The following ITGB2 variants were observed in gnomAD, a reference collection of about 807,000 sequenced individuals.
The protein encoded by ITGB2 is integrin beta-2.
A neutral mutation model predicts 86.8 loss-of-function variants in ITGB2; 56 were observed. The ratio of observed to expected loss-of-function variants is 0.65; its 90% CI spans 0.52 to 0.81. ITGB2 has a LOEUF of 0.81. Ranked by LOEUF, ITGB2 falls within the 30% of genes least tolerant of loss-of-function variation. The pLI is 0.00. For synonymous variants in ITGB2, 457 were observed against 450.4 expected (o/e 1.01, Z -0.19); for missense variants, 948 against 1,061.2 (o/e 0.89, Z 1.48).
At chr21:44,902,297 G>A (rs1315445425) in intron 5 of ITGB2, among the ~76,000 whole-genome samples, 5 of 152,264 alleles carry the variant, frequency 3.3e-5, no homozygotes, top group African/African-American at 7.2e-5. Context: ...ACGTGTGTAT[G>A]ACTGTGTGTG....
intron 1 of ITGB2, among the ~76,000 whole-genome samples, chr21:44,917,587 C>G (rs745899831): frequency 6.6e-6 from 1 of 152,186 alleles, no homozygotes; most frequent in East Asian, 1.9e-4. Flanking sequence ...GGGCTTGTTG[C>G]CACTGTCACT....
At position 44,918,935 on chromosome 21, in the gene ITGB2, A is replaced by AAGCGTCCCCTCTCCCAGCACTCGGAGCTG. The variant is rs949963188; in HGVS notation, c.-4+1857_-4+1885dup. Among the ~76,000 whole-genome samples the AAGCGTCCCCTCTCCCAGCACTCGGAGCTG allele has an allele frequency of 9.8e-4, 110 of 111,788 alleles. 3 individuals carry two copies. In the East Asian group the frequency reaches 0.02, roughly 20 times the overall value. The allele number at this position is 111,788 out of a possible 152,430, so 73.3% of individuals were successfully genotyped here. A position where few individuals can be genotyped will look rare whatever the true frequency, so the allele number is the denominator to read the frequency against. On this transcript the variant is annotated intron_variant, in intron 1 of 15. Transcript: ENST00000652462. The stretch of plus-strand genomic sequence containing the variant: ...TTGAGGCAAAGGCCCTTGGGTGGCT[A>AAGCGTCCCCTCTCCCAGCACTCGGAGCTG]AGCGTCCCCTCTCCCAGCACTCGGA...
chr21:44,889,672 C>A (rs550518838), intron 12 of ITGB2, among the ~76,000 whole-genome samples, 177 bp from the exon 13 acceptor site: 2 of 152,208 alleles, frequency 1.3e-5, no homozygotes, highest in Non-Finnish European at 2.9e-5. Context: ...GCCACGTGGC[C>A]GCCTCCTGGC....
At chr21:44,902,624 C>T (rs2083979487) in intron 5 of ITGB2, among the ~76,000 whole-genome samples, 1 of 150,528 alleles carries the variant, frequency 6.6e-6, no homozygotes. Flanking sequence ...TCCATTTGTG[C>T]ATGTGAGGAT....
rs564714198 is a variant in ITGB2, at chr21:44,910,153, G to A, written c.147+131C>T. The A allele has an allele frequency of 9.3e-5, 109 of 1,176,528 alleles. No homozygotes were observed. The African/African-American group carries it at 1.5e-3, about 16-fold the overall frequency. 72.9% of individuals were successfully genotyped at this position (1,176,528 alleles called of 1,614,324 possible). ...CAGGGGCCCCTTGAGGGGAGGGTGA[G>A]GCCAGGGTCTGGGGACCCCCTCAAA... On this transcript the variant is annotated intron_variant, in intron 3 of 15. Transcript: ENST00000652462.
At chr21:44,890,768 C>T (rs374039025) in intron 11 of ITGB2, among the ~76,000 whole-genome samples, 2 of 152,122 alleles carry the variant, frequency 1.3e-5, no homozygotes. Flanking sequence ...CTGCCACGGG[C>T]TCTCCTGCTC....
upstream of ITGB2, among the ~76,000 whole-genome samples, chr21:44,922,694 G>T (rs1048182836): frequency 6.9e-6 from 1 of 144,280 alleles, no homozygotes; most frequent in South Asian, 2.2e-4. Flanking sequence ...TCCTTTAAAA[G>T]AAAAAAGTAA....
intron 8 of ITGB2, among the ~76,000 whole-genome samples, chr21:44,896,886 T>A (rs999436076): frequency 1.3e-5 from 2 of 152,196 alleles, no homozygotes; most frequent in Non-Finnish European, 2.9e-5. Flanking sequence ...TGCCACACCA[T>A]CGCCTGGAGT....
chr21:44,923,313 T>A (rs943846556), upstream of ITGB2, among the ~76,000 whole-genome samples: 1 of 152,200 alleles, frequency 6.6e-6, no homozygotes. Context: ...TTGCAATGCA[T>A]GGACCATATT....
chr21:44,898,467 T>C (rs929281762), intron 8 of ITGB2, among the ~76,000 whole-genome samples: 1 of 152,208 alleles, frequency 6.6e-6, no homozygotes, highest in Non-Finnish European at 1.5e-5. Flanking sequence ...GCTCTGCAAG[T>C]CCTTCCGGCA....
intron 13 of ITGB2, 146 bp from the exon 14 acceptor site, chr21:44,889,041 G>C: frequency 1.4e-6 from 1 of 707,858 alleles, no homozygotes; most frequent in Non-Finnish European, 2.4e-6. Context: ...TGGGGCAGAT[G>C]CGGGTGCAGC....
chr21:44,892,391 G>A (rs960820688), intron 10 of ITGB2, among the ~76,000 whole-genome samples: 12 of 152,292 alleles, frequency 7.9e-5, no homozygotes, highest in Non-Finnish European at 1.6e-4. Context: ...AGGCCGAGGC[G>A]GGTAGATCAT....
At chr21:44,906,497 A>G (rs2084044568) in intron 4 of ITGB2, among the ~76,000 whole-genome samples, 1 of 152,144 alleles carries the variant, frequency 6.6e-6, no homozygotes, top group African/African-American at 2.4e-5. Flanking sequence ...TGCTCTGGTC[A>G]AGTCAGTTTG....
chr21:44,908,209 G>A (rs749891250), intron 3 of ITGB2: 87 of 703,206 alleles, frequency 1.2e-4, no homozygotes, highest in Non-Finnish European at 2.2e-4. Context: ...TGAGAAATGA[G>A]GAAGCTGCTG....
At chr21:44,920,615 C>G (rs1261642781) in intron 1 of ITGB2, among the ~76,000 whole-genome samples, 1 of 152,226 alleles carries the variant, frequency 6.6e-6, no homozygotes, top group Non-Finnish European at 1.5e-5. Flanking sequence ...TCCCAGCACA[C>G]CATGTGGCTC....
chr21:44,922,684 T>G, upstream of ITGB2, among the ~76,000 whole-genome samples: 1 of 139,008 alleles, frequency 7.2e-6, no homozygotes. Context: ...AAAAGGCAAA[T>G]CCTTTAAAAG....
At chr21:44,895,256 GC>G (rs1378865493) in intron 8 of ITGB2, among the ~76,000 whole-genome samples, 196 bp from the exon 9 acceptor site, 4 of 152,202 alleles carry the variant, frequency 2.6e-5, no homozygotes, top group African/African-American at 9.7e-5. Flanking sequence ...GCCCTGAGCT[GC>G]CCAGGGGCCA....
chr21:44,889,723 A>G (rs1270267106), intron 12 of ITGB2, among the ~76,000 whole-genome samples: 3 of 152,180 alleles, frequency 2.0e-5, no homozygotes, highest in African/African-American at 7.2e-5. Context: ...TGGGACCTCA[A>G]TAGGGCTATG....
In ITGB2 at chr21:44,906,975, C is replaced by T. The variant is rs2084051243; in HGVS notation, c.268G>A (p.Asp90Asn). The stretch of plus-strand genomic sequence containing the variant: ...AGCTGCTTCTGGCCCCCATTGTGGT[C>T]TTCCTGGGTTTCAGCGAGGCTTGTG... ...DPTSLAETQE[D>N]HNGGQKQLSP... Residue 90 changes from aspartate to asparagine, a missense_variant, in exon 4 of 16, where the codon GAC (aspartate) becomes AAC (asparagine). Asp to Asn is a conservative substitution (Grantham distance 23, BLOSUM62 1). Transcript: ENST00000652462. The T allele has an allele frequency of 6.2e-7, 1 of 1,614,090 alleles. No individual in the cohort carries two copies. Among genetic ancestry groups the T allele is most frequent in the African/African-American group, 1.3e-5 (1 of 74,926 alleles).
Sources: gnomAD v4.1 joint callset for allele counts (sites outside exome capture counted in the v4.1 genomes callset) on GRCh38, gnomAD v4.1.1 for gene constraint, MANE v1.5 for transcripts, NCBI Gene and HGNC (gene_info 2026-07-23, HGNC 2026-07-21) for gene names.